FRMPD4: variants seen among roughly 807,000 people sequenced by gnomAD.
FRMPD4 encodes FERM and PDZ domain-containing protein 4.
In FRMPD4, 22 loss-of-function variants were observed where a neutral mutation model predicts 94.1. The observed-to-expected ratio is 0.23, with a 90% confidence interval of 0.17 to 0.33. The LOEUF is 0.33. Among genes scored for constraint, FRMPD4 ranks in the 10% least tolerant of loss-of-function variants. FRMPD4 has a pLI of 1.00. For synonymous variants in FRMPD4, 631 were observed against 548.6 expected, an observed-to-expected ratio of 1.15 and a Z score of -2.10; for missense variants, 1,111 against 1,339.9, an observed-to-expected ratio of 0.83 and a Z score of 2.67.
At chrX:12,539,016 C>A (rs919524783) in intron 2 of FRMPD4, among the ~76,000 whole-genome samples, 1 of 111,615 alleles carries the variant, frequency 9.0e-6, no homozygotes, top group Non-Finnish European at 1.9e-5. Context: ...TCAAACCCAT[C>A]GCAAAGAAGC....
chrX:12,602,288 A>C (rs2059091930), intron 2 of FRMPD4, among the ~76,000 whole-genome samples: 1 of 111,382 alleles, frequency 9.0e-6, no homozygotes, highest in African/African-American at 3.3e-5. Context: ...ACTTTTGGTC[A>C]AAGCTTTCCA....
At chrX:11,852,123 A>G (rs896294607) in intron 1 of FRMPD4, among the ~76,000 whole-genome samples, 3 of 111,313 alleles carry the variant, frequency 2.7e-5, no homozygotes, top group Non-Finnish European at 5.7e-5. Flanking sequence ...TGACAATAAG[A>G]GTTCAGCCCA....
intron 4 of FRMPD4, among the ~76,000 whole-genome samples, chrX:12,665,212 G>T (rs142790225): frequency 0.027 from 2,993 of 111,648 alleles, 106 homozygotes; most frequent in African/African-American, 0.094. Context: ...GGAGGCCGTA[G>T]CAGGTGGATC....
intron 4 of FRMPD4, among the ~76,000 whole-genome samples, chrX:12,649,303 G>A (rs2059576207): frequency 8.9e-6 from 1 of 112,102 alleles, no homozygotes; most frequent in Admixed American, 9.4e-5. Context: ...CCTCTCCTCT[G>A]TGTCTTCTAG....
intron 1 of FRMPD4, among the ~76,000 whole-genome samples, chrX:11,846,372 A>G (rs934279264): frequency 3.6e-5 from 4 of 110,695 alleles, no homozygotes; most frequent in Non-Finnish European, 7.6e-5. Context: ...TGCTCAATGA[A>G]GTAAAAGAGG....
intron 3 of FRMPD4, among the ~76,000 whole-genome samples, chrX:11,906,585 T>C (rs1569122817): frequency 9.0e-6 from 1 of 111,691 alleles, no homozygotes; most frequent in East Asian, 2.8e-4. Context: ...GTCAGTTTTT[T>C]ATTGTATTTT....
intron 6 of FRMPD4, among the ~76,000 whole-genome samples, chrX:12,685,098 G>A (rs1015294623): frequency 7.1e-5 from 8 of 112,045 alleles, no homozygotes; most frequent in African/African-American, 1.9e-4. Flanking sequence ...CAGAAAAGAG[G>A]GGGAGGAAAT....
chrX:12,465,395 C>G (rs1465697406), intron 1 of FRMPD4, among the ~76,000 whole-genome samples: 1 of 111,165 alleles, frequency 9.0e-6, no homozygotes, highest in Non-Finnish European at 1.9e-5. Flanking sequence ...TGTTAGTATC[C>G]TAATGGCCAC....
At chrX:12,278,249 C>T (rs1002809453) in intron 1 of FRMPD4, among the ~76,000 whole-genome samples, 25 of 112,333 alleles carry the variant, frequency 2.2e-4, no homozygotes, top group Non-Finnish European at 4.3e-4. Flanking sequence ...AGTACCAAGC[C>T]TGTTCCTTGA....
intron 1 of FRMPD4, among the ~76,000 whole-genome samples, chrX:12,157,339 T>C (rs1042259267): frequency 3.6e-5 from 4 of 111,940 alleles, no homozygotes; most frequent in African/African-American, 9.8e-5. Context: ...CTCTTCTTCC[T>C]GGAACATCAC....
intron 3 of FRMPD4, among the ~76,000 whole-genome samples, chrX:11,907,604 CCCTT>C (rs1362592946): frequency 1.8e-5 from 2 of 111,337 alleles, no homozygotes; most frequent in Admixed American, 1.9e-4. Context: ...TCTCAGGAGT[CCCTT>C]TTATAAGGGC....
upstream of FRMPD4, among the ~76,000 whole-genome samples, chrX:12,136,532 G>A (rs2055598572): frequency 9.0e-6 from 1 of 110,996 alleles, no homozygotes; most frequent in South Asian, 3.8e-4. Context: ...ACAGGGTGGA[G>A]AAGCCGGCCA....
intron 1 of FRMPD4, among the ~76,000 whole-genome samples, chrX:12,186,896 A>G (rs1247743219): frequency 1.8e-5 from 2 of 111,608 alleles, no homozygotes; most frequent in African/African-American, 6.5e-5. Flanking sequence ...ATTTCCTATA[A>G]CCTTTCTCTT....
At chrX:12,694,211 A>C (rs1602334352) in intron 8 of FRMPD4, 124 bp from the exon 9 acceptor site, 6 of 515,453 alleles carry the variant, frequency 1.2e-5, no homozygotes, top group Non-Finnish European at 2.0e-5. Flanking sequence ...AGTATCTATA[A>C]ATACTAAAAG....
At chrX:11,920,963 G>A (rs188355194) in intron 3 of FRMPD4, among the ~76,000 whole-genome samples, 127 of 112,087 alleles carry the variant, frequency 1.1e-3, no homozygotes, top group African/African-American at 4.1e-3. Context: ...GGTAATGCTC[G>A]CCAACTGCTT....
chrX:12,625,260 C>A (rs755068501), intron 4 of FRMPD4, among the ~76,000 whole-genome samples: 1 of 110,998 alleles, frequency 9.0e-6, no homozygotes, highest in Non-Finnish European at 1.9e-5. Context: ...ATAGAACTAC[C>A]ATATTATCCA....
chrX:12,050,506 A>T (rs1713124869), intron 3 of FRMPD4, among the ~76,000 whole-genome samples: 1 of 111,598 alleles, frequency 9.0e-6, no homozygotes, highest in Non-Finnish European at 1.9e-5. Context: ...AAATCCCCTA[A>T]TGACACATTT....
Position 11,927,656 on chromosome X carries a change from C to T in FRMPD4, c.95+49638C>T, listed in dbSNP as rs142373418. ...AAAAACAAGCAATGAGGAAAGGATT[C>T]CTAATTCAATTATGATGCTAGGATA... On this transcript the variant is annotated intron_variant, in intron 3 of 18. Coordinates refer to the FRMPD4 transcript ENST00000640291. Among the ~76,000 whole-genome samples the T allele has an allele frequency of 8.1e-3, 912 of 112,239 alleles. 8 individuals are homozygous for T. The highest frequency in any genetic ancestry group is 0.028 in the African/African-American group (862 of 30,898).
intron 3 of FRMPD4, among the ~76,000 whole-genome samples, chrX:11,898,620 A>C (rs1159338181): frequency 8.9e-6 from 1 of 112,211 alleles, no homozygotes; most frequent in Non-Finnish European, 1.9e-5. Flanking sequence ...TGCATGTATC[A>C]AAACATCACA....
Sources: allele counts gnomAD v4.1 joint callset (sites outside exome capture counted in the v4.1 genomes callset), GRCh38; gene constraint gnomAD v4.1.1; transcripts MANE v1.5; gene names NCBI Gene and HGNC (gene_info 2026-07-23, HGNC 2026-07-21).